ABCB1: variants seen among roughly 807,000 people sequenced by gnomAD.
ABCB1 encodes the protein ATP binding cassette subfamily B member 1, also known as ATP-dependent translocase ABCB1.
In ABCB1, 69 loss-of-function variants were observed where a neutral mutation model predicts 142.0. The observed-to-expected ratio is 0.49, with a 90% CI of 0.40 to 0.59. The LOEUF (loss-of-function observed/expected upper bound fraction) is 0.59, where lower values mean the gene tolerates loss of function less well. Among genes scored for constraint, ABCB1 ranks in the 20% least tolerant of loss-of-function variants. The pLI is 0.00. For synonymous variants in ABCB1, 532 were observed against 539.2 expected (o/e 0.99, Z 0.18); for missense variants, 1,326 against 1,554.7 (o/e 0.85, Z 2.47).
At chr7:87,646,261 A>G (rs556708718) in intron 1 of ABCB1, among the ~76,000 whole-genome samples, 2 of 152,298 alleles carry the variant, frequency 1.3e-5, no homozygotes, top group South Asian at 4.1e-4. Context: ...TGATATGAAA[A>G]TATATGCACT....
At chr7:87,671,418 A>G (rs896054652) in intron 1 of ABCB1, among the ~76,000 whole-genome samples, 2 of 152,170 alleles carry the variant, frequency 1.3e-5, no homozygotes, top group African/African-American at 2.4e-5. Context: ...CAAGCCTGGA[A>G]GACCTGTCTG....
chr7:87,566,840 C>T lies in ABCB1; in HGVS notation c.475G>A (p.Glu159Lys). 6.2e-7 allele frequency: 1 copy of T among 1,614,188 alleles called. No homozygotes were observed. The highest frequency in any genetic ancestry group is 8.5e-7 in the Non-Finnish European group (1 of 1,180,046). ...KQFFHAIMRQ[E>K]IGWFDVHDVG... is the part of the protein sequence containing the mutation. ...TCGTGCACATCAAACCAGCCTATCT[C>T]CTGTCGCATTATAGCATGAAAAAAC... The change falls in exon 6 of 28, where the codon GAG becomes AAG. Residue 159 changes from glutamate (E) to lysine (K), a missense_variant. Transcript: ENST00000622132.
intron 16 of ABCB1, 67 bp downstream of exon 16, chr7:87,544,756 C>G: frequency 1.3e-6 from 2 of 1,544,582 alleles, no homozygotes; most frequent in Non-Finnish European, 1.8e-6. Context: ...CTACTGTAGC[C>G]CTAGCCCACC....
chr7:87,625,147 C>G (rs1273498902), intron 1 of ABCB1, among the ~76,000 whole-genome samples: 1 of 152,052 alleles, frequency 6.6e-6, no homozygotes, highest in Non-Finnish European at 1.5e-5. Context: ...GTCCCAGCGA[C>G]TCGGGAGGCT....
chr7:87,557,614 T>C (rs1817360617), intron 8 of ABCB1, among the ~76,000 whole-genome samples: 1 of 152,346 alleles, frequency 6.6e-6, no homozygotes, highest in Admixed American at 6.5e-5. Flanking sequence ...GTAAGTCCAT[T>C]TGTTTATTCT....
chr7:87,564,341 TG>T (rs1283732490), intron 7 of ABCB1, among the ~76,000 whole-genome samples: 1 of 152,170 alleles, frequency 6.6e-6, no homozygotes, highest in Non-Finnish European at 1.5e-5. Context: ...GTGAAGCTTC[TG>T]GGGCTCCCAC....
At chr7:87,628,266 T>G (rs1820802190) in intron 1 of ABCB1, 1 of 152,240 alleles carries the variant, frequency 6.6e-6, no homozygotes, top group African/African-American at 2.4e-5. Flanking sequence ...GGGGCGGGGC[T>G]TGAGCCCGCT....
intron 1 of ABCB1, among the ~76,000 whole-genome samples, chr7:87,643,834 C>A (rs777497035): frequency 6.6e-6 from 1 of 150,702 alleles, no homozygotes; most frequent in African/African-American, 2.4e-5. Context: ...GCCAAGAATT[C>A]GCAAGTTGCA....
chr7:87,523,660 A>G (rs1285707217), intron 21 of ABCB1, among the ~76,000 whole-genome samples: 1 of 152,192 alleles, frequency 6.6e-6, no homozygotes, highest in Non-Finnish European at 1.5e-5. Flanking sequence ...GTTGTAATCA[A>G]ATGTTACTTC....
At chr7:87,637,254 T>C (rs2130253444) in intron 1 of ABCB1, among the ~76,000 whole-genome samples, 1 of 152,340 alleles carries the variant, frequency 6.6e-6, no homozygotes, top group East Asian at 1.9e-4. Flanking sequence ...TGTGGTCTGT[T>C]TCTAGACTTT....
intron 1 of ABCB1, among the ~76,000 whole-genome samples, chr7:87,620,192 G>A (rs942933415): frequency 1.3e-5 from 2 of 149,340 alleles, no homozygotes; most frequent in Non-Finnish European, 3.0e-5. Flanking sequence ...ACAGAGTCTC[G>A]CTCTGTTGCC....
At chr7:87,701,853 A>G (rs1010997739) in intron 1 of ABCB1, among the ~76,000 whole-genome samples, 1 of 152,176 alleles carries the variant, frequency 6.6e-6, no homozygotes, top group Non-Finnish European at 1.5e-5. Context: ...AATGTAAAAC[A>G]GAGATACTGG....
At chr7:87,631,864 A>T (rs934833909) in intron 1 of ABCB1, among the ~76,000 whole-genome samples, 3 of 152,202 alleles carry the variant, frequency 2.0e-5, no homozygotes, top group African/African-American at 7.2e-5. Context: ...GTAAAATAAT[A>T]TTGGACTAGA....
chr7:87,539,215 G>T, intron 19 of ABCB1, 53 bp downstream of exon 19: 1 of 1,554,490 alleles, frequency 6.4e-7, no homozygotes. Flanking sequence ...GAGTCCAAGG[G>T]GCACACATGG....
intron 1 of ABCB1, among the ~76,000 whole-genome samples, chr7:87,702,347 T>C (rs1462622975): frequency 6.6e-6 from 1 of 151,940 alleles, no homozygotes; most frequent in African/African-American, 2.4e-5. Context: ...GGTACTATCA[T>C]AGCCCACTGC....
Position 87,566,795 on chromosome 7 carries a change from G to T in ABCB1, c.520C>A (p.Arg174=), listed in dbSNP as rs199808236. ...AAACTAAATACTTACTCTGTAAGTC[G>T]GGTGTTAAGCTCCCCAACATCGTGC... The part of the protein sequence containing the change: ...DVHDVGELNT[R]LTDDVSKINE... The change falls in exon 6 of 28, where the codon CGA becomes AGA. Residue 174 remains arginine, a synonymous_variant. Transcript: ENST00000622132. 4.3e-6 allele frequency: 7 copies of T among 1,613,882 alleles called. No homozygotes were observed. The highest frequency in any genetic ancestry group is 3.3e-5 in the Admixed American group (2 of 59,996).
chr7:87,586,543 G>A (rs1818768966), intron 3 of ABCB1, among the ~76,000 whole-genome samples: 1 of 152,216 alleles, frequency 6.6e-6, no homozygotes, highest in Non-Finnish European at 1.5e-5. Context: ...GTTAACATGT[G>A]GATGCAAGGT....
In ABCB1 at chr7:87,626,017, T is replaced by C. The variant is rs910081630; in HGVS notation, c.-330-24939A>G. The stretch of plus-strand genomic sequence containing the variant: ...ATATATATGTATATGTACATATATA[T>C]ATATATAGAGAGAGAGAGAGAGAGA... On this transcript the variant is annotated intron_variant, in intron 1 of 28. Transcript: ENST00000265724. Among the ~76,000 whole-genome samples the C allele has an allele frequency of 4.3e-5, 6 of 138,730 alleles. No homozygotes were observed. The East Asian group carries it at 1.2e-3, about 29-fold the overall frequency. The allele number at this position is 138,730 out of a possible 152,430, so 91.0% of individuals were successfully genotyped here. A position where few individuals can be genotyped will look rare whatever the true frequency, so the allele number is the denominator to read the frequency against.
intron 1 of ABCB1, among the ~76,000 whole-genome samples, chr7:87,699,302 G>GTCATA (rs1228145573): frequency 6.6e-6 from 1 of 152,144 alleles, no homozygotes; most frequent in Non-Finnish European, 1.5e-5. Flanking sequence ...GGGAAGACTA[G>GTCATA]TCATACTAGA....
Sources: allele counts gnomAD v4.1 joint callset (sites outside exome capture counted in the v4.1 genomes callset), GRCh38; gene constraint gnomAD v4.1.1; transcripts MANE v1.5; gene names NCBI Gene and HGNC (gene_info 2026-07-23, HGNC 2026-07-21).